The following WDFY3 variants were observed in gnomAD, a reference collection of about 807,000 sequenced individuals.
WDFY3 encodes WD repeat and FYVE domain containing 3.
A neutral mutation model predicts 409.6 loss-of-function variants in WDFY3; 66 were observed. The observed-to-expected ratio is 0.16, with a 90% CI of 0.13 to 0.20. The LOEUF (loss-of-function observed/expected upper bound fraction) is 0.20, where lower values mean the gene tolerates loss of function less well. WDFY3 is among the 10% of genes least tolerant of loss of function. The probability of loss-of-function intolerance (pLI) is 1.00; values close to 1 mark genes in which losing one functional copy is unlikely to be tolerated. For synonymous variants in WDFY3, 1,521 were observed against 1,537.1 expected (o/e 0.99, Z 0.25); for missense variants, 3,031 against 4,298.1 (o/e 0.71, Z 8.24).
At chr4:84,901,845 G>A (rs890136055) in intron 2 of WDFY3, among the ~76,000 whole-genome samples, 1 of 152,226 alleles carries the variant, frequency 6.6e-6, no homozygotes, top group South Asian at 2.1e-4. Context: ...ACCCATCTCA[G>A]TATTTCCCTG....
Position 84,718,425 on chromosome 4 carries a change from G to T in WDFY3, c.7751C>A (p.Pro2584Gln). Residue 2584 changes from proline (P) to glutamine (Q), a missense_variant, in exon 48 of 68, where the codon CCA becomes CAA. Coordinates refer to ENST00000295888, the MANE Select transcript of WDFY3 (RefSeq NM_014991.6). Reference sequence around the variant, plus strand: ...GTCTCTTCATTCATTTACTTACTTTGGAGGTAAGGTTTCAATATCTCTTAT... The same window carrying T: ...GTCTCTTCATTCATTTACTTACTTTTGAGGTAAGGTTTCAATATCTCTTAT... ...REIRDIETLPPNMHEPIIPRG... is the reference protein window; with the variant it reads ...REIRDIETLPQNMHEPIIPRG... 6.2e-7 allele frequency: 1 copy of T among 1,612,190 alleles called. No homozygotes were observed. The highest frequency in any genetic ancestry group is 1.7e-4 in the Middle Eastern group (1 of 6,038).
At chr4:84,958,149 T>C (rs573165563) in intron 1 of WDFY3, among the ~76,000 whole-genome samples, 2 of 152,314 alleles carry the variant, frequency 1.3e-5, no homozygotes, top group East Asian at 1.9e-4. Flanking sequence ...ATTTAACCCA[T>C]GGGTTTCAGG....
At chr4:84,797,739 C>A (rs1333436286) in intron 18 of WDFY3, among the ~76,000 whole-genome samples, 5 of 151,962 alleles carry the variant, frequency 3.3e-5, no homozygotes, top group Non-Finnish European at 7.4e-5. Flanking sequence ...TGCCACTGCG[C>A]CCGGCTAATT....
chr4:84,787,327 T>C (rs1309714419), intron 23 of WDFY3, among the ~76,000 whole-genome samples, 155 bp downstream of exon 23: 1 of 151,980 alleles, frequency 6.6e-6, no homozygotes, highest in East Asian at 1.9e-4. Context: ...TGGAGGAAAA[T>C]ATTTTCAATA....
intron 24 of WDFY3, among the ~76,000 whole-genome samples, chr4:84,784,199 G>A (rs1358818827): frequency 6.6e-6 from 1 of 152,030 alleles, no homozygotes; most frequent in African/African-American, 2.4e-5. Context: ...ACACTGGAAC[G>A]TCCCAGGTTT....
chr4:84,688,385 T>C, intron 61 of WDFY3, 120 bp from the exon 62 acceptor site: 2 of 992,524 alleles, frequency 2.0e-6, no homozygotes, highest in Non-Finnish European at 2.9e-6. Context: ...AGTAGGTGAC[T>C]TGAGCAGTGG....
chr4:84,793,968 T>C (rs1013832392), intron 21 of WDFY3, among the ~76,000 whole-genome samples: 1 of 152,240 alleles, frequency 6.6e-6, no homozygotes, highest in Non-Finnish European at 1.5e-5. Flanking sequence ...TTGAGATTTA[T>C]ATTTTAAATT....
chr4:84,877,341 C>T (rs1762926653), intron 3 of WDFY3, among the ~76,000 whole-genome samples: 1 of 152,138 alleles, frequency 6.6e-6, no homozygotes, highest in African/African-American at 2.4e-5. Context: ...AGCTTTCCAG[C>T]TTTCCTTTGT....
chr4:84,890,182 C>T (rs1425473629), intron 3 of WDFY3, among the ~76,000 whole-genome samples: 1 of 152,114 alleles, frequency 6.6e-6, no homozygotes, highest in Non-Finnish European at 1.5e-5. Context: ...TCACTTCATC[C>T]TCAATCTTCC....
intron 56 of WDFY3, among the ~76,000 whole-genome samples, 186 bp from the exon 57 acceptor site, chr4:84,697,009 CAGAA>C (rs1317886624): frequency 1.3e-5 from 2 of 152,176 alleles, no homozygotes; most frequent in Non-Finnish European, 2.9e-5. Context: ...ATCACTCCAG[CAGAA>C]AGAGTTACTA....
chr4:84,948,755 T>C (rs1773225029), intron 1 of WDFY3, among the ~76,000 whole-genome samples: 2 of 152,238 alleles, frequency 1.3e-5, no homozygotes, highest in Admixed American at 6.5e-5. Context: ...CTTTTGGAGG[T>C]CCCTAGTCTG....
At chr4:84,957,411 G>A (rs1399387443) in intron 1 of WDFY3, among the ~76,000 whole-genome samples, 1 of 151,980 alleles carries the variant, frequency 6.6e-6, no homozygotes. Context: ...CAAAAATGAG[G>A]GGTAAGTGAC....
intron 38 of WDFY3, 118 bp from the exon 39 acceptor site, chr4:84,740,534 G>A: frequency 1.1e-6 from 1 of 918,536 alleles, no homozygotes. Context: ...TAAGTATGCA[G>A]GTGCTAAGTT....
At position 84,705,467 on chromosome 4, in the gene WDFY3, C is replaced by T; in HGVS notation, c.8262G>A (p.Lys2754=). 6.2e-7 allele frequency: 1 copy of T among 1,614,070 alleles called. No individual in the cohort carries two copies. Among genetic ancestry groups the T allele is most frequent in the Non-Finnish European group, 8.5e-7 (1 of 1,179,980 alleles). The change falls in exon 54 of 68, where the codon AAG becomes AAA. Residue 2754 remains lysine, a synonymous_variant. Transcript: ENST00000295888. ...GTTCATCTGTTTGTGCTCCCATTGG[C>T]TTAGCCAGGTTTCTAAACGTCTTGG... is the stretch of plus-strand genomic sequence containing the variant. ...TNPKTFRNLA[K]PMGAQTDERL...
At chr4:84,940,732 A>T (rs1378570593) in intron 1 of WDFY3, among the ~76,000 whole-genome samples, 1 of 152,086 alleles carries the variant, frequency 6.6e-6, no homozygotes, top group African/African-American at 2.4e-5. Flanking sequence ...AAAAAAGACT[A>T]GAAATTTCAT....
intron 67 of WDFY3, among the ~76,000 whole-genome samples, chr4:84,676,958 C>T (rs140911861): frequency 6.0e-4 from 91 of 152,184 alleles, no homozygotes; most frequent in Non-Finnish European, 1.1e-3. Flanking sequence ...AAATTAAATA[C>T]GATGAAATAT....
chr4:84,865,953 C>T (rs1331809580), intron 3 of WDFY3, among the ~76,000 whole-genome samples: 2 of 151,994 alleles, frequency 1.3e-5, no homozygotes, highest in Non-Finnish European at 2.9e-5. Context: ...GCCTGTATTC[C>T]CAGCTACTAG....
intron 5 of WDFY3, among the ~76,000 whole-genome samples, chr4:84,842,593 T>C (rs1052837084): frequency 5.9e-5 from 9 of 151,696 alleles, no homozygotes; most frequent in Admixed American, 2.0e-4. Flanking sequence ...TCTTGGCCAC[T>C]AACACAGTGA....
At chr4:84,787,846 A>G in intron 22 of WDFY3, 133 bp from the exon 23 acceptor site, 1 of 814,486 alleles carries the variant, frequency 1.2e-6, no homozygotes, top group Non-Finnish European at 1.9e-6. Context: ...TGGGGTGGAG[A>G]AACAGGAAGG....
Sources: gnomAD v4.1 joint callset for allele counts (sites outside exome capture counted in the v4.1 genomes callset) on GRCh38, gnomAD v4.1.1 for gene constraint, MANE v1.5 for transcripts, NCBI Gene and HGNC (gene_info 2026-07-23, HGNC 2026-07-21) for gene names.